TENM3: variants seen among roughly 807,000 people sequenced by gnomAD.
TENM3 encodes teneurin-3.
In TENM3, 63 loss-of-function variants were observed where a neutral mutation model predicts 255.1. The observed-to-expected ratio is 0.25, with a 90% CI of 0.20 to 0.30. The LOEUF (loss-of-function observed/expected upper bound fraction) is 0.30. Among genes scored for constraint, TENM3 ranks in the 10% least tolerant of loss-of-function variants. TENM3 has a pLI of 1.00. For missense variants in TENM3, 2,929 were observed against 3,461.1 expected, an observed-to-expected ratio of 0.85 and a Z score of 3.86; for synonymous variants, 1,306 against 1,322.3, an observed-to-expected ratio of 0.99 and a Z score of 0.27.
chr4:182,026,508 G>A, the TENM3 span, among the ~76,000 whole-genome samples: 11 of 152,106 alleles, frequency 7.2e-5, no homozygotes, highest in Non-Finnish European at 1.6e-4. Context: ...GCCTGTGCTC[G>A]TGGGGTATTA....
intron 1 of TENM3, among the ~76,000 whole-genome samples, chr4:182,183,600 T>C (rs1472218752): frequency 6.6e-6 from 1 of 152,152 alleles, no homozygotes; most frequent in Non-Finnish European, 1.5e-5. Flanking sequence ...CCAGCTGAAG[T>C]TTAACATACT....
At chr4:181,576,399 T>A in the TENM3 span, among the ~76,000 whole-genome samples, 1 of 152,220 alleles carries the variant, frequency 6.6e-6, no homozygotes, top group African/African-American at 2.4e-5. Context: ...ACTGTGCAGA[T>A]GTCTTTTTGC....
chr4:181,614,926 G>T, the TENM3 span, among the ~76,000 whole-genome samples: 1 of 152,174 alleles, frequency 6.6e-6, no homozygotes. Context: ...AAAGGCTGAG[G>T]ATGGACCCAG....
chr4:181,934,878 A>AT, the TENM3 span, among the ~76,000 whole-genome samples: 9 of 152,020 alleles, frequency 5.9e-5, no homozygotes, highest in African/African-American at 2.2e-4. Flanking sequence ...TAACATGTTG[A>AT]TTTTTTAATG....
the TENM3 span, among the ~76,000 whole-genome samples, chr4:181,713,942 G>A: frequency 3.3e-5 from 5 of 152,286 alleles, no homozygotes; most frequent in African/African-American, 1.2e-4. Flanking sequence ...AAGTTTCACA[G>A]GTTAAGACAG....
At chr4:182,373,514 A>G (rs1298896786) in intron 3 of TENM3, among the ~76,000 whole-genome samples, 5 of 152,130 alleles carry the variant, frequency 3.3e-5, no homozygotes, top group African/African-American at 1.2e-4. Flanking sequence ...GGAGCAAGAG[A>G]AAGGAGGAGG....
chr4:181,627,425 T>C, the TENM3 span, among the ~76,000 whole-genome samples: 2 of 152,204 alleles, frequency 1.3e-5, no homozygotes, highest in African/African-American at 4.8e-5. Context: ...CATGTTGCTG[T>C]GCTGCACACA....
At chr4:181,487,301 G>A in the TENM3 span, among the ~76,000 whole-genome samples, 3 of 152,084 alleles carry the variant, frequency 2.0e-5, no homozygotes, top group African/African-American at 4.8e-5. Flanking sequence ...ATGCCGGCAC[G>A]CCTATGAGTA....
intron 3 of TENM3, among the ~76,000 whole-genome samples, chr4:182,585,635 CTG>C: frequency 6.6e-6 from 1 of 152,314 alleles, no homozygotes; most frequent in East Asian, 1.9e-4. Context: ...GTCTCTAGAA[CTG>C]TGAGAAAATC....
At chr4:181,853,747 A>C in the TENM3 span, among the ~76,000 whole-genome samples, 7 of 151,730 alleles carry the variant, frequency 4.6e-5, no homozygotes, top group Non-Finnish European at 1.0e-4. Context: ...AAGGAAATAT[A>C]CTGGGGGAAA....
chr4:182,425,821 A>G (rs1229819868), intron 3 of TENM3, among the ~76,000 whole-genome samples: 1 of 152,060 alleles, frequency 6.6e-6, no homozygotes, highest in African/African-American at 2.4e-5. Flanking sequence ...CAGCCTGACC[A>G]ACATGGTGAA....
At chr4:182,274,494 G>A (rs1240685642) in intron 1 of TENM3, among the ~76,000 whole-genome samples, 1 of 152,184 alleles carries the variant, frequency 6.6e-6, no homozygotes, top group Non-Finnish European at 1.5e-5. Flanking sequence ...AAAGTGGAGT[G>A]AGGACGTGTT....
the TENM3 span, among the ~76,000 whole-genome samples, chr4:181,648,897 G>C: frequency 6.6e-6 from 1 of 152,176 alleles, no homozygotes; most frequent in Non-Finnish European, 1.5e-5. Context: ...CAAGCTGAGA[G>C]GCCGTAATCA....
chr4:182,180,580 C>G (rs1025542913), intron 1 of TENM3, among the ~76,000 whole-genome samples: 4 of 150,976 alleles, frequency 2.6e-5, no homozygotes, highest in African/African-American at 9.7e-5. Flanking sequence ...GCTTTTTTAA[C>G]TTTAATATAT....
At chr4:181,616,294 A>AC in the TENM3 span, among the ~76,000 whole-genome samples, 2 of 142,400 alleles carry the variant, frequency 1.4e-5, no homozygotes, top group South Asian at 4.5e-4. Context: ...AAAAAAAAAA[A>AC]AAAAAAAGAA....
chr4:181,468,117 G>A, the TENM3 span, among the ~76,000 whole-genome samples: 1 of 123,480 alleles, frequency 8.1e-6, no homozygotes, highest in African/African-American at 3.1e-5. Flanking sequence ...GCATCACAGG[G>A]AGACCCCATC....
At chr4:182,208,906 CT>C (rs1282613093) in intron 1 of TENM3, among the ~76,000 whole-genome samples, 1 of 151,888 alleles carries the variant, frequency 6.6e-6, no homozygotes, top group Non-Finnish European at 1.5e-5. Context: ...CCAGCTGTCA[CT>C]TTCCATGACG....
At chr4:182,453,186 T>C (rs931662213) in intron 3 of TENM3, among the ~76,000 whole-genome samples, 11 of 152,206 alleles carry the variant, frequency 7.2e-5, no homozygotes, top group Non-Finnish European at 1.3e-4. Context: ...TTGAAATGTC[T>C]ACTCTTAATT....
chr4:181,926,082 C>T, the TENM3 span, among the ~76,000 whole-genome samples: 4 of 152,144 alleles, frequency 2.6e-5, no homozygotes, highest in African/African-American at 9.7e-5. Flanking sequence ...CATAAATGTT[C>T]TATAGAATAT....
Sources: gnomAD v4.1 joint callset for allele counts (sites outside exome capture counted in the v4.1 genomes callset) on GRCh38, gnomAD v4.1.1 for gene constraint, MANE v1.5 for transcripts, NCBI Gene and HGNC (gene_info 2026-07-23, HGNC 2026-07-21) for gene names.